SETDB2: variants seen among roughly 807,000 people sequenced by gnomAD.
The protein encoded by SETDB2 is SET domain bifurcated histone lysine methyltransferase 2.
Under a neutral mutation model 82.5 loss-of-function variants are expected in SETDB2, and 56 were observed. The observed-to-expected ratio is 0.68, with a 90% CI of 0.55 to 0.85. The LOEUF (loss-of-function observed/expected upper bound fraction) is 0.85. SETDB2 is among the 40% of genes least tolerant of loss of function. SETDB2 has a pLI of 0.00. For synonymous variants in SETDB2, 272 were observed against 284.9 expected, an observed-to-expected ratio of 0.95 and a Z score of 0.46; for missense variants, 677 against 816.4, an observed-to-expected ratio of 0.83 and a Z score of 2.08.
At chr13:49,475,960 C>T (rs1958349715) in intron 5 of SETDB2, among the ~76,000 whole-genome samples, 1 of 152,226 alleles carries the variant, frequency 6.6e-6, no homozygotes, top group Non-Finnish European at 1.5e-5. Flanking sequence ...AATAAGTTTT[C>T]AGCCAGCCTT....
intron 1 of SETDB2, chr13:49,445,932 G>T (rs1175088904): frequency 1.5e-5 from 1 of 68,542 alleles, no homozygotes; most frequent in Non-Finnish European, 2.4e-5. Flanking sequence ...GCGAGACTCC[G>T]TCTCAAAAAA....
chr13:49,489,639 C>T (rs1958665242), intron 12 of SETDB2, among the ~76,000 whole-genome samples: 1 of 133,496 alleles, frequency 7.5e-6, no homozygotes, highest in African/African-American at 2.9e-5. Flanking sequence ...GCTCTGTCAC[C>T]AGGCTGGAGT....
chr13:49,481,920 T>C (rs982295723), intron 8 of SETDB2: 1 of 347,322 alleles, frequency 2.9e-6, no homozygotes, highest in Non-Finnish European at 4.1e-6. Flanking sequence ...TCTGTTTACA[T>C]GACCATGTGC....
intron 1 of SETDB2, among the ~76,000 whole-genome samples, chr13:49,451,067 GA>G (rs1280562136): frequency 7.9e-5 from 12 of 151,404 alleles, no homozygotes; most frequent in African/African-American, 2.7e-4. Flanking sequence ...AGTGATGGAG[GA>G]AAATGCAGGA....
At chr13:49,464,089 T>C in intron 4 of SETDB2, 1 of 772,032 alleles carries the variant, frequency 1.3e-6, no homozygotes, top group Non-Finnish European at 2.4e-6. Context: ...ACCACCCTAA[T>C]AGGTGAAAGG....
intron 5 of SETDB2, among the ~76,000 whole-genome samples, chr13:49,472,241 T>C (rs1958264805): frequency 6.6e-6 from 1 of 152,130 alleles, no homozygotes; most frequent in African/African-American, 2.4e-5. Flanking sequence ...CTGCAGTCTT[T>C]AGATGAATAC....
chr13:49,491,640 A>G (rs879275183), intron 13 of SETDB2, 92 bp from the exon 14 acceptor site: 44 of 826,568 alleles, frequency 5.3e-5, no homozygotes, highest in Non-Finnish European at 8.3e-5. Flanking sequence ...ATTTTTGAGG[A>G]TGGTTAATGT....
intron 5 of SETDB2, among the ~76,000 whole-genome samples, chr13:49,473,147 C>G (rs1958284268): frequency 6.6e-6 from 1 of 152,130 alleles, no homozygotes. Flanking sequence ...CTTTCTCTCT[C>G]ACATATATCC....
chr13:49,480,447 A>G, intron 7 of SETDB2, 112 bp downstream of exon 7: 1 of 655,494 alleles, frequency 1.5e-6, no homozygotes, highest in Non-Finnish European at 2.6e-6. Flanking sequence ...TGGTTCTAAT[A>G]CCAAAAATCT....
chr13:49,489,837 C>G (rs1209621391), intron 12 of SETDB2, among the ~76,000 whole-genome samples: 3 of 147,480 alleles, frequency 2.0e-5, no homozygotes, highest in Admixed American at 2.0e-4. Flanking sequence ...CTCAAGTGAT[C>G]TGCCTGCCTC....
intron 5 of SETDB2, among the ~76,000 whole-genome samples, chr13:49,475,302 A>C (rs1463758418): frequency 6.6e-6 from 1 of 152,194 alleles, no homozygotes; most frequent in African/African-American, 2.4e-5. Context: ...AACACGTCGG[A>C]ATTCAAGATG....
Position 49,492,663 on chromosome 13 carries a change from A to G in SETDB2, c.*814A>G, listed in dbSNP as rs1262310743. On this transcript the variant is annotated 3_prime_UTR_variant, in exon 14 of 14. Coordinates refer to ENST00000611815, the MANE Select transcript of SETDB2 (RefSeq NM_001160308.3). ...ATTGTACTGGGCAAAAATTTCACTT[A>G]AAAAACACAAGAAGTCCAGGTATGG... 6.6e-6 allele frequency: 1 copy of G among 152,220 alleles called. No homozygotes were observed. Among genetic ancestry groups the G allele is most frequent in the Admixed American group, 6.5e-5 (1 of 15,280 alleles). 9.4% of individuals were successfully genotyped at this position (152,220 alleles called of 1,614,324 possible). A position where few individuals can be genotyped will look rare whatever the true frequency, so the allele number is the denominator to read the frequency against.
intron 1 of SETDB2, chr13:49,445,936 CAAA>C (rs34496594): frequency 3.1e-5 from 4 of 130,680 alleles, no homozygotes; most frequent in South Asian, 2.2e-4. Context: ...GACTCCGTCT[CAAA>C]AAAAAAAAAA....
intron 5 of SETDB2, among the ~76,000 whole-genome samples, chr13:49,470,144 G>GT (rs1388452542): frequency 2.0e-5 from 3 of 152,118 alleles, no homozygotes; most frequent in Non-Finnish European, 4.4e-5. Flanking sequence ...AATTGAGTTG[G>GT]TTTCTTTAAC....
In SETDB2 at chr13:49,485,610, A is replaced by C. The variant is rs1167420833; in HGVS notation, c.1483-20A>C. 1 of 1,600,514 alleles carries C rather than the reference A, an allele frequency of 6.2e-7. No individual in the cohort carries two copies. The highest frequency in any genetic ancestry group is 8.5e-7 in the Non-Finnish European group (1 of 1,170,378). ...TTTGCCTGACCTGGAAAGTAAAGAC[A>C]TCTTCCTTGTTTTTTTAAGGAATTT... On this transcript the variant is annotated intron_variant, in intron 10 of 13. Coordinates refer to ENST00000611815, the MANE Select transcript of SETDB2 (RefSeq NM_001160308.3).
chr13:49,494,210 C>T lies in SETDB2; in HGVS notation c.*2361C>T, dbSNP rs1208122222. The stretch of plus-strand genomic sequence containing the variant: ...TTAATTTCTAAGAGCTCCCCTTCTC[C>T]GAATATTCTTTTTTTTTAATAGCAT... On this transcript the variant is annotated 3_prime_UTR_variant, in exon 14 of 14. Transcript: ENST00000611815. The T allele has an allele frequency of 2.0e-5, 3 of 152,010 alleles. No individual in the cohort carries two copies. Among genetic ancestry groups the T allele is most frequent in the Non-Finnish European group, 4.4e-5 (3 of 68,008 alleles). 9.4% of individuals were successfully genotyped at this position (152,010 alleles called of 1,614,324 possible).
At chr13:49,487,813 T>A (rs1958626453) in intron 11 of SETDB2, among the ~76,000 whole-genome samples, 2 of 152,246 alleles carry the variant, frequency 1.3e-5, no homozygotes. Flanking sequence ...GCAATACAGT[T>A]GTCACTGCTG....
chr13:49,465,662 G>C (rs546819239), intron 4 of SETDB2, among the ~76,000 whole-genome samples: 1 of 151,750 alleles, frequency 6.6e-6, no homozygotes, highest in Non-Finnish European at 1.5e-5. Flanking sequence ...TCAGCCTCTC[G>C]AGTAGCTGGG....
At chr13:49,490,490 G>T (rs1481433909) in intron 12 of SETDB2, among the ~76,000 whole-genome samples, 1 of 152,032 alleles carries the variant, frequency 6.6e-6, no homozygotes, top group Non-Finnish European at 1.5e-5. Context: ...ATTACACATG[G>T]AAACATATAC....
Sources: allele counts gnomAD v4.1 joint callset (sites outside exome capture counted in the v4.1 genomes callset), GRCh38; gene constraint gnomAD v4.1.1; transcripts MANE v1.5; gene names NCBI Gene and HGNC (gene_info 2026-07-23, HGNC 2026-07-21).